Variants in SDK2 observed in about 807,000 individuals in gnomAD.
SDK2 encodes sidekick cell adhesion molecule 2.
Under a neutral mutation model 253.9 loss-of-function variants are expected in SDK2, and 105 were observed. That is an observed-to-expected ratio of 0.41 (90% CI 0.35 to 0.49). SDK2 has a LOEUF of 0.49. Among genes scored for constraint, SDK2 ranks in the 20% least tolerant of loss-of-function variants. The pLI, the probability that SDK2 is intolerant of heterozygous loss-of-function variation, is 0.06. For missense variants in SDK2, 2,608 were observed against 3,003.0 expected, an observed-to-expected ratio of 0.87 and a Z score of 3.07; for synonymous variants, 1,249 against 1,234.9, an observed-to-expected ratio of 1.01 and a Z score of -0.24.
At position 73,365,444 on chromosome 17, in the gene SDK2, A is replaced by G. The variant is rs369039506; in HGVS notation, c.5168-49T>C. The G allele has an allele frequency of 2.6e-6, 4 of 1,533,948 alleles. No homozygotes were observed. In the African/African-American group the frequency reaches 5.5e-5, roughly 21 times the overall value. On this transcript the variant is annotated intron_variant, in intron 37 of 44. Coordinates refer to ENST00000392650, the MANE Select transcript of SDK2 (RefSeq NM_001144952.2). ...TTGTTTCCTTCTTCTGTGGAAGTTC[A>G]AAGCCTCGGGTTCAGCTCCAAGGAG...
chr17:73,619,703 C>G (rs1389680483), intron 1 of SDK2, among the ~76,000 whole-genome samples: 1 of 149,764 alleles, frequency 6.7e-6, no homozygotes, highest in African/African-American at 2.5e-5. Context: ...GATATGATGA[C>G]AAAAGAAAAA....
chr17:73,339,553 T>G (rs1043703281), intron 44 of SDK2, among the ~76,000 whole-genome samples: 3 of 151,960 alleles, frequency 2.0e-5, no homozygotes, highest in African/African-American at 7.3e-5. Context: ...TATTCTTTTT[T>G]TTGGGGGGCG....
At position 73,425,209 on chromosome 17, in the gene SDK2, A is replaced by G. The variant is rs577896361; in HGVS notation, c.1584-1117T>C. Among the ~76,000 whole-genome samples, 375 of 152,172 alleles carry G rather than the reference A, an allele frequency of 2.5e-3. 1 individual carries two copies. The highest frequency in any genetic ancestry group is 4.0e-3 in the Non-Finnish European group (275 of 68,002). The stretch of plus-strand genomic sequence containing the variant: ...CACTCCAGCCTGGGCGACACAGCAA[A>G]ACTCCATCTCAAAAACACACAAAAA... On this transcript the variant is annotated intron_variant, in intron 12 of 44. Transcript: ENST00000392650.
In SDK2 at chr17:73,383,073, C is replaced by T. The variant is rs952993806; in HGVS notation, c.4705+803G>A. On this transcript the variant is annotated intron_variant, in intron 33 of 44. Coordinates refer to ENST00000392650, the MANE Select transcript of SDK2 (RefSeq NM_001144952.2). This position sits in a 1 kb window ranked among gnomAD's most constrained non-coding sequence, Gnocchi z 4.3. ...AAAACCTCAAGTCCTGGAGCATCTG[C>T]GCCCATCACATATCATCTCCCATAC... Among the ~76,000 whole-genome samples, 9 of 152,148 alleles carry T rather than the reference C, an allele frequency of 5.9e-5. No homozygotes were observed. Among genetic ancestry groups the T allele is most frequent in the African/African-American group, 1.4e-4 (6 of 41,448 alleles).
chr17:73,428,367 G>T (rs372982442), intron 12 of SDK2, among the ~76,000 whole-genome samples: 3 of 152,250 alleles, frequency 2.0e-5, no homozygotes, highest in South Asian at 2.1e-4. Context: ...CCTGGCCAGA[G>T]TGTTTTTTTC....
intron 4 of SDK2, among the ~76,000 whole-genome samples, chr17:73,454,277 C>T (rs2410768): frequency 0.35 from 52,654 of 152,132 alleles, 9,351 homozygotes; most frequent in Non-Finnish European, 0.39. Flanking sequence ...AGATACTCCA[C>T]AGGGCTTGTT....
chr17:73,379,367 G>T lies in SDK2; in HGVS notation c.4865-75C>A. 6.8e-7 allele frequency: 1 copy of T among 1,472,192 alleles called. No individual in the cohort carries two copies. The highest frequency in any genetic ancestry group is 1.2e-5 in the South Asian group (1 of 82,322). 91.2% of individuals were successfully genotyped at this position (1,472,192 alleles called of 1,614,324 possible). On this transcript the variant is annotated intron_variant, in intron 35 of 44. Transcript: ENST00000392650. The surrounding 1 kb of genome is among the most constrained non-coding windows in gnomAD (Gnocchi z 4.5). The stretch of plus-strand genomic sequence containing the variant: ...GGAGGTGGGCTGGGCGGGATGGGGA[G>T]CCCAGATCCCGTTTCTTCCAGCTGA...
chr17:73,509,133 TCTACGGACTTGTCTACGTTCACTCCACCG>T (rs1203318304), intron 1 of SDK2, among the ~76,000 whole-genome samples: 1 of 152,206 alleles, frequency 6.6e-6, no homozygotes, highest in East Asian at 1.9e-4. Flanking sequence ...GGGTCTGTCA[TCTACGGACTTGTCTACGTTCACTCCACCG>T]CTTCCCAGCG....
intron 6 of SDK2, 77 bp from the exon 7 acceptor site, chr17:73,438,231 A>T (rs1204831963): frequency 1.4e-6 from 2 of 1,387,838 alleles, no homozygotes; most frequent in Non-Finnish European, 2.0e-6. Flanking sequence ...GGGGGTGGTA[A>T]GGAGTGTGGG....
chr17:73,448,490 G>A (rs1203321076), intron 4 of SDK2, among the ~76,000 whole-genome samples: 2 of 151,904 alleles, frequency 1.3e-5, no homozygotes, highest in East Asian at 1.9e-4. Context: ...TCAGCCTCCC[G>A]AGTAGCTAGG....
chr17:73,437,258 G>A (rs189495864), intron 8 of SDK2, among the ~76,000 whole-genome samples: 1 of 152,274 alleles, frequency 6.6e-6, no homozygotes, highest in Non-Finnish European at 1.5e-5. Flanking sequence ...AAGGAAGGAC[G>A]GTGGGGAAGG....
At chr17:73,471,855 G>A (rs116862737) in intron 3 of SDK2, among the ~76,000 whole-genome samples, 159 of 152,212 alleles carry the variant, frequency 1.0e-3, no homozygotes, top group Non-Finnish European at 2.0e-3. Flanking sequence ...CTTGGCTCTC[G>A]GGACATGTGA....
At chr17:73,414,957 G>T (rs2063168567) in intron 17 of SDK2, among the ~76,000 whole-genome samples, 198 bp from the exon 18 acceptor site, 2 of 152,192 alleles carry the variant, frequency 1.3e-5, no homozygotes, top group African/African-American at 4.8e-5. Flanking sequence ...AATAAAACTT[G>T]CCTGACCCAC....
At chr17:73,377,188 TCCAA>T (rs1226351585) in intron 36 of SDK2, among the ~76,000 whole-genome samples, 1 of 151,454 alleles carries the variant, frequency 6.6e-6, no homozygotes, top group Non-Finnish European at 1.5e-5. Context: ...TTCCAGCTCT[TCCAA>T]CCAGACAGAC....
chr17:73,609,927 A>G lies in SDK2; in HGVS notation c.64+34098T>C, dbSNP rs1185800128. Among the ~76,000 whole-genome samples the G allele has an allele frequency of 6.6e-6, 1 of 152,224 alleles. No individual in the cohort carries two copies. ...GAGACAAAAACAGCTCACTGGAGCA[A>G]GGGCTGGGACTGGTAGTAGGTGCGG... On this transcript the variant is annotated intron_variant, in intron 1 of 44. Coordinates refer to ENST00000392650, the MANE Select transcript of SDK2 (RefSeq NM_001144952.2). The surrounding 1 kb of genome is among the most constrained non-coding windows in gnomAD (Gnocchi z 4.4).
Position 73,502,979 on chromosome 17 carries a change from C to T in SDK2, c.224+4459G>A, listed in dbSNP as rs1599627595. Among the ~76,000 whole-genome samples, 4 of 152,312 alleles carry T rather than the reference C, an allele frequency of 2.6e-5. 1 individual carries two copies. The highest frequency in any genetic ancestry group is 2.9e-5 in the Non-Finnish European group (2 of 68,032). On this transcript the variant is annotated intron_variant, in intron 2 of 44. Coordinates refer to ENST00000392650, the MANE Select transcript of SDK2 (RefSeq NM_001144952.2). The stretch of plus-strand genomic sequence containing the variant: ...CTTCCAGTGTGAAGCATCAAAGACA[C>T]ATACCTACAAATATGCTTCCCAAAA...
At chr17:73,606,609 C>T (rs1019868181) in intron 1 of SDK2, among the ~76,000 whole-genome samples, 16 of 151,902 alleles carry the variant, frequency 1.1e-4, no homozygotes, top group South Asian at 8.4e-4. Context: ...AATCGACAAA[C>T]GTGCTGTGGC....
chr17:73,468,988 C>T (rs1375374288), intron 3 of SDK2, among the ~76,000 whole-genome samples: 1 of 151,232 alleles, frequency 6.6e-6, no homozygotes, highest in African/African-American at 2.4e-5. Flanking sequence ...CCATGCCCGG[C>T]TAATTTTTGT....
intron 2 of SDK2, among the ~76,000 whole-genome samples, chr17:73,483,511 A>ATG (rs1368476754): frequency 1.1e-4 from 5 of 44,622 alleles, no homozygotes; most frequent in African/African-American, 4.6e-4. Context: ...GTGTGTGTGT[A>ATG]TGTGTGTGTG....
Sources: gnomAD v4.1 joint callset for allele counts (sites outside exome capture counted in the v4.1 genomes callset) on GRCh38, gnomAD v4.1.1 for gene constraint, Gnocchi (gnomAD v3.1) non-coding constraint, MANE v1.5 for transcripts, NCBI Gene and HGNC (gene_info 2026-07-23, HGNC 2026-07-21) for gene names.